NLRP2: variants seen among roughly 807,000 people sequenced by gnomAD.
The protein encoded by NLRP2 is NACHT, LRR and PYD domains-containing protein 2.
A neutral mutation model predicts 97.2 loss-of-function variants in NLRP2; 107 were observed. The ratio of observed to expected loss-of-function variants is 1.10; its 90% CI spans 0.94 to 1.29. The LOEUF (loss-of-function observed/expected upper bound fraction) is 1.29. Among genes scored for constraint, NLRP2 ranks in the 50% most tolerant of loss-of-function variants. The pLI is 0.00. For synonymous variants in NLRP2, 663 were observed against 551.5 expected (o/e 1.20, Z -2.83); for missense variants, 1,495 against 1,330.3 (o/e 1.12, Z -1.93).
In NLRP2 at chr19:54,984,329, G is replaced by GTGTGTGTTTTTTTTTTTTTTTTT; in HGVS notation, c.2030+602_2030+603insGTGTGTTTTTTTTTTTTTTTTTT. On this transcript the variant is annotated intron_variant, in intron 6 of 12. Transcript: ENST00000448584. ...AACTTAAGTGGGGGTTTTTTTTTGTGTTTTTTTTTTTTTTTTTTTTTTTGG... is the reference window on the plus strand; with the variant it reads ...AACTTAAGTGGGGGTTTTTTTTTGTGTGTGTGTTTTTTTTTTTTTTTTTTTTTTTTTTTTTTTTTTTTTTTTGG... Among the ~76,000 whole-genome samples the GTGTGTGTTTTTTTTTTTTTTTTT allele has an allele frequency of 3.1e-4, 25 of 79,670 alleles. 1 individual carries two copies. The highest frequency in any genetic ancestry group is 8.8e-4 in the African/African-American group (19 of 21,638). The allele number at this position is 79,670 out of a possible 152,430, so 52.3% of individuals were successfully genotyped here. A position where few individuals can be genotyped will look rare whatever the true frequency, so the allele number is the denominator to read the frequency against.
At position 54,980,422 on chromosome 19, in the gene NLRP2, C is replaced by T. The variant is rs539377233; in HGVS notation, c.398-1195C>T. Reference sequence around the variant, plus strand: ...TGTTAGCCAGGATGGTCTCGATCTCCTGACCTTATGATCCACCCGCCTTGG... The same window carrying T: ...TGTTAGCCAGGATGGTCTCGATCTCTTGACCTTATGATCCACCCGCCTTGG... On this transcript the variant is annotated intron_variant, in intron 4 of 12. Coordinates refer to ENST00000448584, the MANE Select transcript of NLRP2 (RefSeq NM_017852.5). 6.4e-4 allele frequency among the ~76,000 whole-genome samples: 97 copies of T among 152,088 alleles called. 1 individual carries two copies. The highest frequency in any genetic ancestry group is 2.2e-3 in the African/African-American group (92 of 41,500).
chr19:54,990,842 T>TA (rs1381072355), intron 10 of NLRP2, 170 bp downstream of exon 10: 1 of 709,004 alleles, frequency 1.4e-6, no homozygotes, highest in Non-Finnish European at 2.6e-6. Context: ...AAAGTATAAG[T>TA]AGTAGTAGAG....
intron 4 of NLRP2, among the ~76,000 whole-genome samples, chr19:54,981,119 A>G (rs1050753224): frequency 2.0e-5 from 3 of 152,174 alleles, no homozygotes; most frequent in Non-Finnish European, 4.4e-5. Flanking sequence ...AAACAGACCT[A>G]TAGCTGACCT....
intron 6 of NLRP2, among the ~76,000 whole-genome samples, chr19:54,984,297 T>C (rs775901): frequency 0.61 from 85,855 of 140,830 alleles, 27,734 homozygotes; most frequent in African/African-American, 0.82. Flanking sequence ...CACCATCATG[T>C]CCAGCTAACT....
Position 54,996,305 on chromosome 19 carries a change from C to T in NLRP2, c.2880-1012C>T, listed in dbSNP as rs73609933. 9.2e-3 allele frequency among the ~76,000 whole-genome samples: 1,392 copies of T among 152,038 alleles called. 16 individuals are homozygous for T. The highest frequency in any genetic ancestry group is 0.032 in the African/African-American group (1,325 of 41,484). The stretch of plus-strand genomic sequence containing the variant: ...CACCTAAGGTCAGGAGTTCGTAGAC[C>T]AGCCTGTCTCTACTAAAGAGACAGG... On this transcript the variant is annotated intron_variant, in intron 11 of 12. Coordinates refer to ENST00000448584, the MANE Select transcript of NLRP2 (RefSeq NM_017852.5).
rs1388764601 is a variant in NLRP2, at chr19:54,991,944, A to G, written c.2708+1272A>G. 4.3e-5 allele frequency among the ~76,000 whole-genome samples: 6 copies of G among 138,414 alleles called. No individual in the cohort carries two copies. The South Asian group carries it at 1.2e-3, about 27-fold the overall frequency. The allele number at this position is 138,414 out of a possible 152,430, so 90.8% of individuals were successfully genotyped here. The stretch of plus-strand genomic sequence containing the variant: ...CTGGTATTTTTTTTTTTTTTTTTTA[A>G]GATGGAGTTTTACTCTTGCCCACGC... On this transcript the variant is annotated intron_variant, in intron 10 of 12. Coordinates refer to ENST00000448584, the MANE Select transcript of NLRP2 (RefSeq NM_017852.5).
intron 4 of NLRP2, among the ~76,000 whole-genome samples, chr19:54,980,202 G>A (rs548703149): frequency 1.9e-5 from 2 of 103,784 alleles, no homozygotes; most frequent in Admixed American, 1.1e-4. Context: ...GAAATGTTTT[G>A]TTTTGTTTTT....
intron 12 of NLRP2, among the ~76,000 whole-genome samples, 168 bp from the exon 13 acceptor site, chr19:55,000,592 T>TAAA (rs34129339): frequency 8.3e-6 from 1 of 119,908 alleles, no homozygotes; most frequent in African/African-American, 3.2e-5. Flanking sequence ...GACTGTCTTT[T>TAAA]AAAAAAAAAA....
rs777665698 is a variant in NLRP2, at chr19:54,997,304, T to C, written c.2880-13T>C. On this transcript the variant is annotated splice_polypyrimidine_tract_variant and intron_variant, in intron 11 of 12. Transcript: ENST00000448584. ...CTGGCTGCATTAACGTGTTGATTTC[T>C]GTGTTTCCCCAGGTTGTGGGGATGT... 1 of 1,613,034 alleles carries C rather than the reference T, an allele frequency of 6.2e-7. No individual in the cohort carries two copies. The highest frequency in any genetic ancestry group is 1.7e-5 in the Admixed American group (1 of 60,016).
intron 6 of NLRP2, among the ~76,000 whole-genome samples, chr19:54,984,483 A>ATTTTTTTTTTTTTTTTTTTTTTTTTTTT (rs1568505832): frequency 2.2e-5 from 1 of 46,186 alleles, no homozygotes; most frequent in Non-Finnish European, 3.6e-5. Context: ...TATATTCCCA[A>ATTTTTTTTTTTTTTTTTTTTTTTTTTTT]TCTTTTTTTT....
chr19:54,973,850 T>G, intron 2 of NLRP2: 3 of 632,774 alleles, frequency 4.7e-6, no homozygotes, highest in Non-Finnish European at 6.1e-6. Flanking sequence ...CCGGACTTTC[T>G]GTAAGAAGTG....
chr19:54,970,928 G>A (rs1485144891), intron 2 of NLRP2, among the ~76,000 whole-genome samples: 4 of 138,776 alleles, frequency 2.9e-5, no homozygotes, highest in Admixed American at 1.5e-4. Context: ...CCACTAACTC[G>A]TCATCTAGCA....
rs756636752 is a variant in NLRP2, at chr19:54,994,267, A to T, written c.2709-2A>T. 1.2e-6 allele frequency: 2 copies of T among 1,613,988 alleles called. No individual in the cohort carries two copies. The highest frequency in any genetic ancestry group is 2.2e-5 in the South Asian group (2 of 91,078). On this transcript the variant is annotated splice_acceptor_variant, in intron 10 of 12. Transcript: ENST00000448584. LOFTEE classifies it high-confidence loss of function. ...TGCTTTCTTCCTGTGGTTGATTTCT[A>T]GGCTTTGGAACTGCGACATAACTAG...
At chr19:55,000,687 T>C in intron 12 of NLRP2, 73 bp from the exon 13 acceptor site, 1 of 1,526,296 alleles carries the variant, frequency 6.6e-7, no homozygotes. Flanking sequence ...TAACAGACTT[T>C]CAGGTACTTG....
chr19:54,992,504 G>A (rs933951029), intron 10 of NLRP2, among the ~76,000 whole-genome samples: 1 of 140,362 alleles, frequency 7.1e-6, no homozygotes, highest in Admixed American at 7.4e-5. Context: ...TTGGTTGTGT[G>A]TGTGTGTGGT....
intron 8 of NLRP2, among the ~76,000 whole-genome samples, chr19:54,987,739 CA>C (rs146853071): frequency 0.17 from 20,555 of 120,066 alleles, 1,947 homozygotes; most frequent in African/African-American, 0.32. Flanking sequence ...GAGACTGTCT[CA>C]AAAAAAAAAA....
intron 3 of NLRP2, 47 bp downstream of exon 3, chr19:54,974,591 G>T (rs751141963): frequency 2.7e-5 from 35 of 1,293,288 alleles, no homozygotes; most frequent in South Asian, 1.8e-4. Context: ...GAGATCTGGG[G>T]ACTCGGGCCT....
At chr19:54,988,020 G>A (rs1410684811) in intron 8 of NLRP2, among the ~76,000 whole-genome samples, 1 of 152,136 alleles carries the variant, frequency 6.6e-6, no homozygotes, top group African/African-American at 2.4e-5. Flanking sequence ...CTCCAGCCTG[G>A]GCAACAGAGC....
chr19:54,966,824 C>G (rs868739710), intron 1 of NLRP2, among the ~76,000 whole-genome samples: 6 of 114,546 alleles, frequency 5.2e-5, no homozygotes, highest in Middle Eastern at 5.9e-3. Flanking sequence ...CCGCGCCCAG[C>G]CTTTTTTTTT....
Sources: gnomAD v4.1 joint callset for allele counts (sites outside exome capture counted in the v4.1 genomes callset) on GRCh38, gnomAD v4.1.1 for gene constraint, MANE v1.5 for transcripts, NCBI Gene and HGNC (gene_info 2026-07-23, HGNC 2026-07-21) for gene names.